PTK2B: variants seen among roughly 807,000 people sequenced by gnomAD.
PTK2B encodes protein tyrosine kinase 2 beta.
PTK2B carries 71 observed loss-of-function variants against 142.9 expected under a neutral mutation model. The observed-to-expected ratio is 0.50, with a 90% CI of 0.41 to 0.61. The LOEUF is 0.61. PTK2B is among the 20% of genes least tolerant of loss of function. The pLI is 0.00. For missense variants in PTK2B, 1,105 were observed against 1,320.4 expected (o/e 0.84, Z 2.53); for synonymous variants, 519 against 503.4 (o/e 1.03, Z -0.42).
chr8:27,383,310 A>G (rs1807142956), intron 1 of PTK2B, among the ~76,000 whole-genome samples: 1 of 152,018 alleles, frequency 6.6e-6, no homozygotes, highest in East Asian at 1.9e-4. Context: ...GCTGTGGTGC[A>G]ATCGTGGCTC....
At position 27,456,292 on chromosome 8, in the gene PTK2B, C is replaced by T. The variant is rs549217503; in HGVS notation, c.2814+1681C>T. Among the ~76,000 whole-genome samples the T allele has an allele frequency of 2.0e-5, 3 of 152,340 alleles. No individual in the cohort carries two copies. In the South Asian group the frequency reaches 6.2e-4, roughly 32 times the overall value. On this transcript the variant is annotated intron_variant, in intron 30 of 30. Transcript: ENST00000346049. ...AAGCCTATTGGTGCCATTTTTCTAA[C>T]AGCACGTGCTCACTTTGTGTCTCTG...
chr8:27,437,499 G>T lies in PTK2B; in HGVS notation c.1527+3G>T, dbSNP rs760582720. The T allele has an allele frequency of 6.3e-7, 1 of 1,598,054 alleles. No homozygotes were observed. The highest frequency in any genetic ancestry group is 8.5e-7 in the Non-Finnish European group (1 of 1,170,624). ...TGGAATTGTATCCCTATGGGGAGGT[G>T]AGCTGGAGGACCCTGCGATGACAAC... On this transcript the variant is annotated splice_donor_region_variant and intron_variant, in intron 17 of 30. Transcript: ENST00000346049.
chr8:27,443,185 A>T (rs1811265695), intron 22 of PTK2B, among the ~76,000 whole-genome samples: 1 of 152,242 alleles, frequency 6.6e-6, no homozygotes, highest in Non-Finnish European at 1.5e-5. Context: ...CTTGTGGGAT[A>T]GCTGGGTCAA....
At chr8:27,373,543 G>A (rs1381453136) in intron 1 of PTK2B, among the ~76,000 whole-genome samples, 1 of 152,146 alleles carries the variant, frequency 6.6e-6, no homozygotes, top group Non-Finnish European at 1.5e-5. Context: ...AGAGCTGGGT[G>A]TGGTGGCACA....
In PTK2B at chr8:27,422,151, C is replaced by T. The variant is rs576449516; in HGVS notation, c.472-153C>T. On this transcript the variant is annotated intron_variant, in intron 4 of 30. Coordinates refer to ENST00000346049, the MANE Select transcript of PTK2B (RefSeq NM_173176.3). ...TGGAGGCACAAGCACCCTTTCCCCT[C>T]GTGCTCTCCATCCCTGCTCCATGCT... 2.4e-4 allele frequency: 154 copies of T among 633,798 alleles called. No individual in the cohort carries two copies. The African/African-American group carries it at 2.5e-3, about 10-fold the overall frequency. 39.3% of individuals were successfully genotyped at this position (633,798 alleles called of 1,614,324 possible). A position where few individuals can be genotyped will look rare whatever the true frequency, so the allele number is the denominator to read the frequency against.
chr8:27,436,003 G>A (rs1810753592), intron 14 of PTK2B, among the ~76,000 whole-genome samples: 1 of 152,120 alleles, frequency 6.6e-6, no homozygotes, highest in Non-Finnish European at 1.5e-5. Flanking sequence ...GTGTGCCCAT[G>A]GAGCTGTGCG....
At position 27,451,627 on chromosome 8, in the gene PTK2B, C is replaced by G. The variant is rs532060541; in HGVS notation, c.2548+118C>G. On this transcript the variant is annotated intron_variant, in intron 27 of 30. Coordinates refer to ENST00000346049, the MANE Select transcript of PTK2B (RefSeq NM_173176.3). Reference sequence around the variant, plus strand: ...AGTCTGTCTGCATTCCCTGCAGCATCGGCCATGATTTAATTCAGAGCATGT... The same window carrying G: ...AGTCTGTCTGCATTCCCTGCAGCATGGGCCATGATTTAATTCAGAGCATGT... The G allele has an allele frequency of 1.9e-6, 3 of 1,560,942 alleles. No homozygotes were observed. In the East Asian group the frequency reaches 6.9e-5, roughly 36 times the overall value.
chr8:27,321,241 C>T (rs1330216569), upstream of PTK2B, among the ~76,000 whole-genome samples: 1 of 151,996 alleles, frequency 6.6e-6, no homozygotes, highest in Admixed American at 6.6e-5. Context: ...AGCAATCCTC[C>T]CACCTCAGCC....
intron 24 of PTK2B, among the ~76,000 whole-genome samples, chr8:27,449,119 C>G (rs1811653231): frequency 6.6e-6 from 1 of 152,178 alleles, no homozygotes; most frequent in South Asian, 2.1e-4. Context: ...GAAATAAGGA[C>G]TTGTCTGGCT....
At chr8:27,452,903 C>T in intron 27 of PTK2B, 1 of 596,410 alleles carries the variant, frequency 1.7e-6, no homozygotes, top group South Asian at 2.4e-5. Flanking sequence ...CCTTTTTCTT[C>T]CTATAAAAGG....
At position 27,388,136 on chromosome 8, in the gene PTK2B, T is replaced by A. The variant is rs1387873855; in HGVS notation, c.-37-9412T>A. On this transcript the variant is annotated intron_variant, in intron 1 of 30. Coordinates refer to ENST00000346049, the MANE Select transcript of PTK2B (RefSeq NM_173176.3). ...TGACCAACTAGGAATTCACCTGCTATCATCTGACCTCCTTGTTAAACTCTC... is the reference window on the plus strand; with the variant it reads ...TGACCAACTAGGAATTCACCTGCTAACATCTGACCTCCTTGTTAAACTCTC... Among the ~76,000 whole-genome samples, 4 of 152,222 alleles carry A rather than the reference T, an allele frequency of 2.6e-5. No individual in the cohort carries two copies. In the East Asian group the frequency reaches 7.7e-4, roughly 29 times the overall value.
At chr8:27,450,338 A>G (rs1811723258) in intron 24 of PTK2B, among the ~76,000 whole-genome samples, 1 of 152,230 alleles carries the variant, frequency 6.6e-6, no homozygotes, top group Admixed American at 6.5e-5. Flanking sequence ...AGCCCCTTGG[A>G]AACCCTTTGG....
At chr8:27,388,137 C>T (rs1337122565) in intron 1 of PTK2B, among the ~76,000 whole-genome samples, 1 of 152,222 alleles carries the variant, frequency 6.6e-6, no homozygotes, top group Non-Finnish European at 1.5e-5. Context: ...CACCTGCTAT[C>T]ATCTGACCTC....
At chr8:27,403,032 G>A (rs1449855971) in intron 2 of PTK2B, among the ~76,000 whole-genome samples, 2 of 152,200 alleles carry the variant, frequency 1.3e-5, no homozygotes, top group Non-Finnish European at 2.9e-5. Context: ...GGGAGTCTAA[G>A]CCCAACTTCC....
chr8:27,354,392 C>T (rs924338652), intron 1 of PTK2B, among the ~76,000 whole-genome samples: 2 of 152,032 alleles, frequency 1.3e-5, no homozygotes, highest in African/African-American at 2.4e-5. Flanking sequence ...TGTGATGAGC[C>T]GTCTCCACTA....
At chr8:27,437,642 T>C in intron 17 of PTK2B, 123 bp from the exon 18 acceptor site, 2 of 1,225,492 alleles carry the variant, frequency 1.6e-6, no homozygotes, top group South Asian at 1.4e-5. Context: ...TGGAACATTT[T>C]GCCAGCTTTG....
At chr8:27,397,827 C>T (rs1412478404) in intron 2 of PTK2B, 39 bp downstream of exon 2, 2 of 1,604,026 alleles carry the variant, frequency 1.2e-6, no homozygotes, top group South Asian at 1.1e-5. Flanking sequence ...CTGTCTGTCC[C>T]TCTGTCTTCT....
intron 1 of PTK2B, among the ~76,000 whole-genome samples, chr8:27,333,238 G>A (rs1476223042): frequency 6.6e-6 from 1 of 152,216 alleles, no homozygotes; most frequent in Non-Finnish European, 1.5e-5. Context: ...AGTGGCAAAA[G>A]GCAATCAGAG....
At chr8:27,370,693 C>T (rs942463124) in intron 1 of PTK2B, among the ~76,000 whole-genome samples, 2 of 152,320 alleles carry the variant, frequency 1.3e-5, no homozygotes, top group East Asian at 1.9e-4. Flanking sequence ...TGTTGCCTCA[C>T]GACCTTCTAC....
Sources: allele counts gnomAD v4.1 joint callset (sites outside exome capture counted in the v4.1 genomes callset), GRCh38; gene constraint gnomAD v4.1.1; transcripts MANE v1.5; gene names NCBI Gene and HGNC (gene_info 2026-07-23, HGNC 2026-07-21).